Variants in MGAT4C observed in about 807,000 individuals in gnomAD.
MGAT4C encodes the protein MGAT4 family member C.
MGAT4C carries 19 observed loss-of-function variants against 40.1 expected under a neutral mutation model. The observed-to-expected ratio is 0.47, with a 90% confidence interval of 0.33 to 0.70. The LOEUF (loss-of-function observed/expected upper bound fraction) is 0.70, where lower values mean the gene tolerates loss of function less well. Among genes scored for constraint, MGAT4C ranks in the 30% least tolerant of loss-of-function variants. The pLI is 0.02. For missense variants in MGAT4C, 491 were observed against 563.2 expected (o/e 0.87, Z 1.30); for synonymous variants, 181 against 187.1 (o/e 0.97, Z 0.27).
intron 2 of MGAT4C, among the ~76,000 whole-genome samples, chr12:86,571,326 A>G (rs1420347237): frequency 5.3e-5 from 8 of 152,170 alleles, no homozygotes; most frequent in Admixed American, 2.0e-4. Context: ...GGCATAAGAT[A>G]ATTTCAAAGA....
At position 85,980,363 on chromosome 12, in the gene MGAT4C, C is replaced by T. The variant is rs761892291; in HGVS notation, c.363G>A (p.Lys121=). Residue 121 remains lysine (K), a synonymous_variant, in exon 5 of 5, where the codon AAG becomes AAA. Coordinates refer to ENST00000611864, the MANE Select transcript of MGAT4C (RefSeq NM_001351288.2). ...CATAGCTGGATTGCTCAAAAATTGA[C>T]TTAATTGTCTCAAGTAAATAGTTTC... ...KKGNYLLETI[K]SIFEQSSYEE... 7 of 1,613,214 alleles carry T rather than the reference C, an allele frequency of 4.3e-6. No individual in the cohort carries two copies. In the African/African-American group the frequency reaches 8.0e-5, roughly 18 times the overall value.
intron 4 of MGAT4C, among the ~76,000 whole-genome samples, chr12:86,316,236 A>C (rs928796085): frequency 2.0e-5 from 3 of 152,158 alleles, no homozygotes; most frequent in Non-Finnish European, 2.9e-5. Context: ...GTGAGGCTGC[A>C]GAGGAAAGGG....
At chr12:86,145,904 A>G (rs1469823768) in intron 1 of MGAT4C, among the ~76,000 whole-genome samples, 1 of 152,182 alleles carries the variant, frequency 6.6e-6, no homozygotes, top group Non-Finnish European at 1.5e-5. Flanking sequence ...CACAGTCTGC[A>G]TAACAGGTTT....
At chr12:86,406,065 A>C (rs1211826053) in intron 3 of MGAT4C, among the ~76,000 whole-genome samples, 1 of 145,460 alleles carries the variant, frequency 6.9e-6, no homozygotes, top group Non-Finnish European at 1.5e-5. Flanking sequence ...ATATACAGTA[A>C]TTTTTATATA....
intron 2 of MGAT4C, among the ~76,000 whole-genome samples, chr12:86,559,990 C>A (rs4309212): frequency 2.6e-4 from 39 of 151,728 alleles, no homozygotes; most frequent in Non-Finnish European, 4.0e-4. Context: ...ACAGATATCC[C>A]AAGGGTCAAT....
intron 1 of MGAT4C, among the ~76,000 whole-genome samples, chr12:86,811,709 TTG>T (rs1952478427): frequency 6.6e-6 from 1 of 151,630 alleles, no homozygotes; most frequent in African/African-American, 2.4e-5. Context: ...TATTGACAAT[TTG>T]TGTTTTCTTT....
intron 1 of MGAT4C, among the ~76,000 whole-genome samples, chr12:86,774,301 T>TTTTCTTTCTA (rs766334199): frequency 3.8e-5 from 1 of 26,406 alleles, no homozygotes; most frequent in Non-Finnish European, 1.0e-4. Flanking sequence ...CTTTCTTTCT[T>TTTTCTTTCTA]TCTTTCTTTC....
chr12:86,626,030 C>A (rs1333758316), intron 2 of MGAT4C, among the ~76,000 whole-genome samples: 1 of 151,962 alleles, frequency 6.6e-6, no homozygotes, highest in African/African-American at 2.4e-5. Flanking sequence ...TAATTAAAAA[C>A]AAAAGGATGA....
chr12:86,080,801 A>G (rs1024706369), intron 1 of MGAT4C, among the ~76,000 whole-genome samples: 4 of 152,228 alleles, frequency 2.6e-5, no homozygotes, highest in Admixed American at 2.6e-4. Context: ...TACCCCATGA[A>G]GTTATCTTCC....
chr12:86,060,894 A>T (rs1893892410), intron 1 of MGAT4C, among the ~76,000 whole-genome samples: 1 of 152,148 alleles, frequency 6.6e-6, no homozygotes, highest in Admixed American at 6.5e-5. Flanking sequence ...CTGGAAACTA[A>T]TAGGGGAAAT....
chr12:86,836,725 T>A (rs1325770230), intron 1 of MGAT4C, among the ~76,000 whole-genome samples: 1 of 152,100 alleles, frequency 6.6e-6, no homozygotes, highest in Admixed American at 6.6e-5. Flanking sequence ...TTCATATATG[T>A]TATATTCATC....
At chr12:86,035,072 C>G (rs1389292612) in intron 2 of MGAT4C, among the ~76,000 whole-genome samples, 1 of 150,012 alleles carries the variant, frequency 6.7e-6, no homozygotes, top group Non-Finnish European at 1.5e-5. Context: ...ACAGTGATTT[C>G]TAACCCTTTG....
At chr12:86,419,168 T>G (rs949440084) in intron 3 of MGAT4C, among the ~76,000 whole-genome samples, 1 of 152,060 alleles carries the variant, frequency 6.6e-6, no homozygotes, top group African/African-American at 2.4e-5. Flanking sequence ...TGTTATAAAA[T>G]TATTACTGAA....
Position 85,962,197 on chromosome 12 carries a change from C to T in MGAT4C, c.*17092G>A, listed in dbSNP as rs1883146137. 1 of 151,632 alleles carries T rather than the reference C, an allele frequency of 6.6e-6. No individual in the cohort carries two copies. The highest frequency in any genetic ancestry group is 1.5e-5 in the Non-Finnish European group (1 of 67,694). 9.4% of individuals were successfully genotyped at this position (151,632 alleles called of 1,614,324 possible). A position where few individuals can be genotyped will look rare whatever the true frequency, so the allele number is the denominator to read the frequency against. ...TAATTATTGTAGGACTGTAGATTGT[C>T]ATCTCAAGATCAGTGTCAAATACAT... is the stretch of plus-strand genomic sequence containing the variant. On this transcript the variant is annotated 3_prime_UTR_variant, in exon 5 of 5. Coordinates refer to ENST00000611864, the MANE Select transcript of MGAT4C (RefSeq NM_001351288.2).
chr12:85,991,741 C>A (rs923542202), intron 2 of MGAT4C, among the ~76,000 whole-genome samples: 1 of 152,142 alleles, frequency 6.6e-6, no homozygotes, highest in Non-Finnish European at 1.5e-5. Context: ...CCTCAAATCC[C>A]AGCTCTTAGA....
intron 2 of MGAT4C, among the ~76,000 whole-genome samples, chr12:86,645,618 T>A (rs559633171): frequency 1.8e-4 from 27 of 151,918 alleles, no homozygotes; most frequent in African/African-American, 6.5e-4. Context: ...TTTAAGGTAT[T>A]CAGGGCAGTG....
chr12:86,782,203 A>G (rs1385150359), intron 1 of MGAT4C, among the ~76,000 whole-genome samples: 2 of 75,100 alleles, frequency 2.7e-5, no homozygotes, highest in Admixed American at 2.3e-4. Flanking sequence ...TTTTTTTGAG[A>G]CGGAGTCTCG....
At chr12:86,043,944 A>T (rs949076018) in intron 2 of MGAT4C, among the ~76,000 whole-genome samples, 1 of 152,190 alleles carries the variant, frequency 6.6e-6, no homozygotes, top group Non-Finnish European at 1.5e-5. Flanking sequence ...GTGAGAGGAC[A>T]CTTTAGTTTT....
At chr12:86,071,978 T>A (rs1480396391) in intron 1 of MGAT4C, among the ~76,000 whole-genome samples, 1 of 152,078 alleles carries the variant, frequency 6.6e-6, no homozygotes, top group Non-Finnish European at 1.5e-5. Context: ...TTAGCTTTCA[T>A]TTCTGTGAAG....
Sources: allele counts gnomAD v4.1 joint callset (sites outside exome capture counted in the v4.1 genomes callset), GRCh38; gene constraint gnomAD v4.1.1; transcripts MANE v1.5; gene names NCBI Gene and HGNC (gene_info 2026-07-23, HGNC 2026-07-21).